IPO8: variants seen among roughly 807,000 people sequenced by gnomAD.
IPO8 encodes importin-8.
In IPO8, 65 loss-of-function variants were observed where a neutral mutation model predicts 141.2. The ratio of observed to expected loss-of-function variants is 0.46; its 90% CI spans 0.38 to 0.57. IPO8 has a LOEUF of 0.57. IPO8 is among the 20% of genes least tolerant of loss of function. The probability of loss-of-function intolerance (pLI) is 0.00; values close to 1 mark genes in which losing one functional copy is unlikely to be tolerated. For missense variants in IPO8, 980 were observed against 1,246.8 expected, an observed-to-expected ratio of 0.79 and a Z score of 3.22; for synonymous variants, 411 against 420.3, an observed-to-expected ratio of 0.98 and a Z score of 0.27.
chr12:30,661,212 T>C lies in IPO8; in HGVS notation c.1810A>G (p.Lys604Glu). The change falls in exon 16 of 25, where the codon AAA (lysine) becomes GAA (glutamate). Residue 604 changes from lysine (K) to glutamate (E), a missense_variant. Lys to Glu is a moderately conservative substitution (Grantham distance 56). Around this residue, in one of 3 missense-constraint regions of IPO8, gnomAD observed 924 missense variants for 1,153.9 expected, o/e 0.80. Coordinates refer to ENST00000256079, the MANE Select transcript of IPO8 (RefSeq NM_006390.4). Reference sequence around the variant, plus strand: ...AAAATTCCCATAGCCATTACTGTTTTGTCTTCAACTTCTTCATATTCATCA... The same window carrying C: ...AAAATTCCCATAGCCATTACTGTTTCGTCTTCAACTTCTTCATATTCATCA... Reference protein sequence around the residue: ...QSDEYEEVEDKTVMAMGILHT... With the variant: ...QSDEYEEVEDETVMAMGILHT... 1 of 1,598,826 alleles carries C rather than the reference T, an allele frequency of 6.3e-7. No homozygotes were observed. Among genetic ancestry groups the C allele is most frequent in the African/African-American group, 1.3e-5 (1 of 74,088 alleles).
rs113066834 is a variant in IPO8 at position 30,667,862 on chromosome 12, T to C, written c.1144+1321A>G. ...ATACTCTGTACATCACAAAAACACA[T>C]AGGTATTATGAAAGAAGTAAACACT... On this transcript the variant is annotated intron_variant, in intron 10 of 24. Transcript: ENST00000256079. 6.2e-3 allele frequency among the ~76,000 whole-genome samples: 949 copies of C among 152,184 alleles called. 9 individuals are homozygous for C. The highest frequency in any genetic ancestry group is 0.022 in the African/African-American group (913 of 41,518).
At chr12:30,659,317 C>G (rs1320016839) in intron 16 of IPO8, among the ~76,000 whole-genome samples, 1 of 152,040 alleles carries the variant, frequency 6.6e-6, no homozygotes, top group South Asian at 2.1e-4. Flanking sequence ...TGGTGAAACC[C>G]CTTCTCCACT....
chr12:30,660,908 A>G (rs560607624), intron 16 of IPO8, among the ~76,000 whole-genome samples: 1 of 144,894 alleles, frequency 6.9e-6, no homozygotes, highest in East Asian at 2.0e-4. Flanking sequence ...ATAAAGGGAT[A>G]TACTATATAC....
At chr12:30,640,235 C>T (rs2052558483) in intron 20 of IPO8, among the ~76,000 whole-genome samples, 1 of 152,072 alleles carries the variant, frequency 6.6e-6, no homozygotes. Context: ...TAAAATCTGA[C>T]TCCAATTCTA....
At chr12:30,656,788 ATAAT>A (rs369489920) in intron 16 of IPO8, 38 bp from the exon 17 acceptor site, 243 of 962,028 alleles carry the variant, frequency 2.5e-4, no homozygotes, top group African/African-American at 1.8e-3. Context: ...TAAAATTATC[ATAAT>A]TAATACATAA....
At chr12:30,657,891 C>T (rs952709620) in intron 16 of IPO8, among the ~76,000 whole-genome samples, 1 of 151,748 alleles carries the variant, frequency 6.6e-6, no homozygotes, top group Admixed American at 6.6e-5. Context: ...TAGAAGGACC[C>T]GAAAACCTGG....
In IPO8 at chr12:30,674,378, A is replaced by C. The variant is rs150012655; in HGVS notation, c.824+281T>G. 2.5e-3 allele frequency among the ~76,000 whole-genome samples: 384 copies of C among 152,312 alleles called. 3 individuals are homozygous for C. The highest frequency in any genetic ancestry group is 9.0e-3 in the African/African-American group (376 of 41,562). On this transcript the variant is annotated intron_variant, in intron 7 of 24. Transcript: ENST00000256079. ...TTTTCAATAAATGCTTTTAAAATTA[A>C]ATTTGACATTATTACGGAGTTGAGT...
chr12:30,694,765 G>A (rs1435204555), intron 1 of IPO8, among the ~76,000 whole-genome samples: 1 of 152,190 alleles, frequency 6.6e-6, no homozygotes, highest in African/African-American at 2.4e-5. Context: ...CCCAGTGGTA[G>A]CTCTTAATCC....
intron 5 of IPO8, among the ~76,000 whole-genome samples, chr12:30,678,007 G>A (rs1215916637): frequency 6.6e-6 from 1 of 151,740 alleles, no homozygotes; most frequent in African/African-American, 2.4e-5. Flanking sequence ...ATGGTGGCAG[G>A]CGCCTGTAAA....
intron 9 of IPO8, 47 bp from the exon 10 acceptor site, chr12:30,669,329 T>G: frequency 1.1e-6 from 1 of 929,606 alleles, no homozygotes; most frequent in Non-Finnish European, 1.7e-6. Flanking sequence ...TATAGGCTAT[T>G]CAAGTTTGAG....
chr12:30,634,935 A>G (rs752364973), intron 22 of IPO8, among the ~76,000 whole-genome samples: 37 of 152,294 alleles, frequency 2.4e-4, no homozygotes, highest in South Asian at 4.1e-4. Flanking sequence ...GTGTCCATCA[A>G]CAACGGATGA....
chr12:30,685,598 C>G (rs1054932305), intron 2 of IPO8, among the ~76,000 whole-genome samples: 1 of 151,796 alleles, frequency 6.6e-6, no homozygotes. Flanking sequence ...TCTTTCCCCA[C>G]CCAACTCTTT....
At chr12:30,641,426 C>A (rs2052572294) in intron 20 of IPO8, among the ~76,000 whole-genome samples, 2 of 150,760 alleles carry the variant, frequency 1.3e-5, no homozygotes, top group Admixed American at 1.3e-4. Context: ...TATACCTTGT[C>A]TTATAAATTA....
At chr12:30,644,006 T>C (rs1212780711) in intron 20 of IPO8, among the ~76,000 whole-genome samples, 1 of 152,204 alleles carries the variant, frequency 6.6e-6, no homozygotes, top group African/African-American at 2.4e-5. Flanking sequence ...GTTAACATCA[T>C]AATTTATTTT....
At chr12:30,682,871 G>A (rs2053202799) in intron 3 of IPO8, among the ~76,000 whole-genome samples, 2 of 151,926 alleles carry the variant, frequency 1.3e-5, no homozygotes, top group South Asian at 4.2e-4. Flanking sequence ...TTTGAGAATA[G>A]GTGGAAGAAA....
intron 2 of IPO8, among the ~76,000 whole-genome samples, chr12:30,685,564 A>G (rs1796378941): frequency 6.6e-6 from 1 of 151,704 alleles, no homozygotes; most frequent in South Asian, 2.1e-4. Flanking sequence ...AAAGCAGCAT[A>G]ACTTTCTTCC....
At chr12:30,683,602 G>C (rs1244204359) in intron 3 of IPO8, among the ~76,000 whole-genome samples, 1 of 152,160 alleles carries the variant, frequency 6.6e-6, no homozygotes, top group Non-Finnish European at 1.5e-5. Context: ...GCAGCTGCTA[G>C]TTAAATATGC....
At chr12:30,674,204 T>A in intron 7 of IPO8, 130 bp from the exon 8 acceptor site, 1 of 577,274 alleles carries the variant, frequency 1.7e-6, no homozygotes, top group South Asian at 2.8e-5. Context: ...TGCCTTTTTT[T>A]CCCACAAGCC....
intron 17 of IPO8, among the ~76,000 whole-genome samples, chr12:30,655,778 C>T (rs539155828): frequency 2.6e-5 from 4 of 152,300 alleles, no homozygotes; most frequent in African/African-American, 9.6e-5. Context: ...AGTGCATGCT[C>T]AACTTTTTAC....
Sources: allele counts gnomAD v4.1 joint callset (sites outside exome capture counted in the v4.1 genomes callset), GRCh38; gene constraint gnomAD v4.1.1; regional missense constraint gnomAD v4.1.1; transcripts MANE v1.5; gene names NCBI Gene and HGNC (gene_info 2026-07-23, HGNC 2026-07-21).